The following NCOR1 variants were observed in gnomAD, a reference collection of about 807,000 sequenced individuals.
NCOR1 encodes the protein nuclear receptor corepressor 1.
Under a neutral mutation model 288.1 loss-of-function variants are expected in NCOR1, and 63 were observed. The observed-to-expected ratio is 0.22, with a 90% CI of 0.18 to 0.27. The LOEUF (loss-of-function observed/expected upper bound fraction) is 0.27, where lower values mean the gene tolerates loss of function less well. Among genes scored for constraint, NCOR1 ranks in the 10% least tolerant of loss-of-function variants. The pLI, the probability that NCOR1 is intolerant of heterozygous loss-of-function variation, is 1.00. For synonymous variants in NCOR1, 1,007 were observed against 1,065.9 expected, an observed-to-expected ratio of 0.94 and a Z score of 1.08; for missense variants, 2,397 against 3,019.2, an observed-to-expected ratio of 0.79 and a Z score of 4.83.
rs951716257 is a variant in NCOR1 at position 16,102,754 on chromosome 17, C to T, written c.2183-997G>A. Among the ~76,000 whole-genome samples the T allele has an allele frequency of 1.1e-4, 16 of 152,140 alleles. No homozygotes were observed. The South Asian group carries it at 1.5e-3, about 14-fold the overall frequency. Reference sequence around the variant, plus strand: ...GATTATAGGTGCCTGGCACCATGCCCGGCTAATTTTTGTATTTTTAGTAGA... The same window carrying T: ...GATTATAGGTGCCTGGCACCATGCCTGGCTAATTTTTGTATTTTTAGTAGA... On this transcript the variant is annotated intron_variant, in intron 19 of 45. Coordinates refer to ENST00000268712, the MANE Select transcript of NCOR1 (RefSeq NM_006311.4).
chr17:16,081,294 G>A (rs1186391097), intron 23 of NCOR1, among the ~76,000 whole-genome samples: 7 of 141,404 alleles, frequency 5.0e-5, no homozygotes, highest in African/African-American at 1.6e-4. Flanking sequence ...TGCAACCTCC[G>A]CCTCCCAGTC....
intron 14 of NCOR1, among the ~76,000 whole-genome samples, chr17:16,135,019 TGTG>T (rs2076182204): frequency 6.6e-6 from 1 of 151,424 alleles, no homozygotes; most frequent in Non-Finnish European, 1.5e-5. Context: ...ATGAACCAGA[TGTG>T]GTGGCGGGTG....
intron 9 of NCOR1, among the ~76,000 whole-genome samples, chr17:16,147,665 A>G (rs1240646686): frequency 6.6e-6 from 1 of 152,102 alleles, no homozygotes; most frequent in African/African-American, 2.4e-5. Flanking sequence ...ATTCCACACC[A>G]CACCCCACTC....
intron 42 of NCOR1, chr17:16,044,642 G>C: frequency 1.6e-6 from 1 of 637,616 alleles, no homozygotes; most frequent in Non-Finnish European, 3.0e-6. Flanking sequence ...CTCCGAGCTC[G>C]CCTGCATCTA....
chr17:16,162,719 CAA>C (rs1362437820), intron 5 of NCOR1, among the ~76,000 whole-genome samples: 1 of 152,032 alleles, frequency 6.6e-6, no homozygotes, highest in Non-Finnish European at 1.5e-5. Context: ...AAAAACCAAA[CAA>C]ATACTGAATT....
In NCOR1 at chr17:16,030,839, C is replaced by G. The variant is rs765829304; in HGVS notation, c.*1457G>C. On this transcript the variant is annotated 3_prime_UTR_variant, in exon 46 of 46. Transcript: ENST00000268712. Reference sequence around the variant, plus strand: ...AGGAGGGTCTTGGTCAGTAGCTAATCACAGAGCTGCTTCCTTAAAAGCCTT... The same window carrying G: ...AGGAGGGTCTTGGTCAGTAGCTAATGACAGAGCTGCTTCCTTAAAAGCCTT... 18 of 185,656 alleles carry G rather than the reference C, an allele frequency of 9.7e-5. No homozygotes were observed. Among genetic ancestry groups the G allele is most frequent in the Non-Finnish European group, 1.6e-4 (14 of 87,802 alleles). The allele number at this position is 185,656 out of a possible 1,614,324, so 11.5% of individuals were successfully genotyped here.
chr17:16,199,210 A>ACACACACACACACACACACACACAC (rs1555813660), intron 1 of NCOR1, among the ~76,000 whole-genome samples: 1 of 109,130 alleles, frequency 9.2e-6, no homozygotes, highest in African/African-American at 3.6e-5. Flanking sequence ...GAAGGAAAAA[A>ACACACACACACACACACACACACAC]AAAAAAACAC....
Position 16,127,239 on chromosome 17 carries a change from ATATG to A in NCOR1, c.1510-1037_1510-1034del, listed in dbSNP as rs1434976063. On this transcript the variant is annotated intron_variant, in intron 14 of 45. Transcript: ENST00000268712. ...TGTATGTATATATACATGTATGCATATATGTATGTATATATGTGTGTGTATATAT... is the reference window on the plus strand; with the variant it reads ...TGTATGTATATATACATGTATGCATATATGTATATATGTGTGTGTATATAT... Among the ~76,000 whole-genome samples, 26 of 141,402 alleles carry A rather than the reference ATATG, an allele frequency of 1.8e-4. 3 individuals are homozygous for A. Among genetic ancestry groups the A allele is most frequent in the East Asian group, 4.0e-4 (2 of 5,058 alleles). The allele number at this position is 141,402 out of a possible 152,430, so 92.8% of individuals were successfully genotyped here.
Position 16,073,453 on chromosome 17 carries a change from A to C in NCOR1, c.3787T>G (p.Ser1263Ala). Residue 1263 changes from serine to alanine, a missense_variant, in exon 28 of 46, where the codon TCT (serine) becomes GCT (alanine). Ser to Ala is a moderately conservative substitution (Grantham distance 99, BLOSUM62 1). Around this residue, in one of 11 missense-constraint regions of NCOR1, gnomAD observed 1,872 missense variants for 2,187.8 expected, o/e 0.86. Transcript: ENST00000268712. ...NIKQGMSMRE[S>A]PVSAPLEGLI... is the part of the protein sequence containing the mutation. ...CCCTCTAACGGTGCTGATACAGGAG[A>C]CTCCCTCATTGACATCCCTTGCTTT... 6.2e-7 allele frequency: 1 copy of C among 1,607,334 alleles called. No homozygotes were observed.
intron 22 of NCOR1, chr17:16,091,584 A>T: frequency 7.9e-7 from 1 of 1,263,738 alleles, no homozygotes; most frequent in Non-Finnish European, 1.0e-6. Context: ...CGGAACATAA[A>T]GCATAACTTT....
At chr17:16,071,757 A>T in intron 29 of NCOR1, 92 bp from the exon 30 acceptor site, 1 of 1,177,708 alleles carries the variant, frequency 8.5e-7, no homozygotes, top group South Asian at 1.6e-5. Flanking sequence ...TAAAATGGTA[A>T]ATTTTGTTAC....
chr17:16,095,448 C>A (rs2066306023), intron 21 of NCOR1, among the ~76,000 whole-genome samples: 1 of 140,006 alleles, frequency 7.1e-6, no homozygotes, highest in Non-Finnish European at 1.6e-5. Flanking sequence ...GGTGGGGGGT[C>A]AGCCCCCCGC....
At chr17:16,107,837 A>G (rs1387957112) in intron 19 of NCOR1, among the ~76,000 whole-genome samples, 3 of 152,082 alleles carry the variant, frequency 2.0e-5, no homozygotes, top group Admixed American at 6.6e-5. Flanking sequence ...TCCCAAAAAC[A>G]AGTTTAAGGT....
intron 26 of NCOR1, among the ~76,000 whole-genome samples, chr17:16,077,199 C>T (rs1476011042): frequency 1.3e-5 from 2 of 151,876 alleles, no homozygotes; most frequent in Non-Finnish European, 2.9e-5. Context: ...GGGTTCAAGA[C>T]CAGCCTGGCC....
At chr17:16,183,230 C>CAAAAAAAAAAAAAAAGAAAAAAAAA in intron 3 of NCOR1, among the ~76,000 whole-genome samples, 1 of 64,052 alleles carries the variant, frequency 1.6e-5, no homozygotes, top group Admixed American at 1.9e-4. Flanking sequence ...AGCAATCAAA[C>CAAAAAAAAAAAAAAAGAAAAAAAAA]AAAAAAAAAA....
intron 1 of NCOR1, among the ~76,000 whole-genome samples, chr17:16,204,615 T>C (rs952314653): frequency 1.4e-4 from 21 of 152,226 alleles, no homozygotes; most frequent in African/African-American, 5.1e-4. Flanking sequence ...TCGCTTTGTT[T>C]TTCTAGTTTA....
chr17:16,044,950 T>A lies in NCOR1; in HGVS notation c.6679+2001A>T, dbSNP rs573024862. On this transcript the variant is annotated intron_variant, in intron 42 of 45. Transcript: ENST00000268712. ...TCTGATGATGACATGGGCTTTTGGTTGTTTTGACTAAATTTCTTATAACGT... is the reference window on the plus strand; with the variant it reads ...TCTGATGATGACATGGGCTTTTGGTAGTTTTGACTAAATTTCTTATAACGT... The A allele has an allele frequency of 6.6e-6, 4 of 606,566 alleles. No individual in the cohort carries two copies. In the African/African-American group the frequency reaches 7.6e-5, roughly 11 times the overall value. 37.6% of individuals were successfully genotyped at this position (606,566 alleles called of 1,614,324 possible).
intron 1 of NCOR1, among the ~76,000 whole-genome samples, chr17:16,205,380 C>T (rs1359806287): frequency 1.3e-5 from 2 of 150,938 alleles, no homozygotes; most frequent in African/African-American, 4.9e-5. Context: ...CCCAGCACTT[C>T]GGGAGGCCGA....
intron 1 of NCOR1, among the ~76,000 whole-genome samples, chr17:16,215,159 G>A (rs893291348): frequency 6.6e-6 from 1 of 152,208 alleles, no homozygotes; most frequent in African/African-American, 2.4e-5. Flanking sequence ...CCCAGCCCGA[G>A]CTCCCCGCCG....
Sources: gnomAD v4.1 joint callset for allele counts (sites outside exome capture counted in the v4.1 genomes callset) on GRCh38, gnomAD v4.1.1 for gene constraint, gnomAD v4.1.1 regional missense constraint, MANE v1.5 for transcripts, NCBI Gene and HGNC (gene_info 2026-07-23, HGNC 2026-07-21) for gene names.